Variants in TM9SF4 observed in about 807,000 individuals in gnomAD.
TM9SF4 encodes the protein transmembrane 9 superfamily member 4, also known as dinucleotide oxidase disulfide thiol exchanger 3 superfamily member 4.
In TM9SF4, 26 loss-of-function variants were observed where a neutral mutation model predicts 90.4. That is an observed-to-expected ratio of 0.29 (90% CI 0.21 to 0.40). The LOEUF (loss-of-function observed/expected upper bound fraction) is 0.40. Among genes scored for constraint, TM9SF4 ranks in the 10% least tolerant of loss-of-function variants. TM9SF4 has a pLI of 1.00. For missense variants in TM9SF4, 549 were observed against 834.8 expected (o/e 0.66, Z 4.22); for synonymous variants, 293 against 315.4 (o/e 0.93, Z 0.75).
rs1389693117 is a variant in TM9SF4, at chr20:32,142,299, G to A, written c.528+404G>A. ...AAAATGTATGCAGCAGCAGTGGCGG[G>A]GTAAATTAGCACATTCGTGTGAGCC... On this transcript the variant is annotated intron_variant, in intron 5 of 17. Transcript: ENST00000398022. Among the ~76,000 whole-genome samples the A allele has an allele frequency of 5.3e-5, 8 of 152,098 alleles. No individual in the cohort carries two copies. The East Asian group carries it at 1.5e-3, about 29-fold the overall frequency.
chr20:32,166,199 CAAGG>C lies in TM9SF4; in HGVS notation c.*759_*762del, dbSNP rs57029404. The C allele has an allele frequency of 1.7e-3, 266 of 152,930 alleles. 3 individuals carry two copies. Among genetic ancestry groups the C allele is most frequent in the Non-Finnish European group, 3.2e-3 (221 of 68,148 alleles). The allele number at this position is 152,930 out of a possible 1,614,324, so 9.5% of individuals were successfully genotyped here. On this transcript the variant is annotated 3_prime_UTR_variant, in exon 18 of 18. Coordinates refer to ENST00000398022, the MANE Select transcript of TM9SF4 (RefSeq NM_014742.4). ...AGAGCAGCCGGAGTTTGCTGGACCA[CAAGG>C]AAGAAGAGAAGAGACTTGCAGTGAA...
At chr20:32,116,862 C>CCTTTTTT (rs2046232188) in intron 1 of TM9SF4, among the ~76,000 whole-genome samples, 1 of 95,852 alleles carries the variant, frequency 1.0e-5, no homozygotes, top group Non-Finnish European at 2.0e-5. Flanking sequence ...TTTCCTTTTT[C>CCTTTTTT]TTTTTTTTTT....
intron 1 of TM9SF4, among the ~76,000 whole-genome samples, chr20:32,123,866 A>ATTTTTTTTTTTT (rs1165240152): frequency 4.3e-5 from 4 of 93,972 alleles, no homozygotes; most frequent in African/African-American, 1.4e-4. Context: ...ATATATATAT[A>ATTTTTTTTTTTT]TTTTTTTTTT....
intron 13 of TM9SF4, among the ~76,000 whole-genome samples, chr20:32,157,249 G>T (rs907398304): frequency 6.6e-6 from 1 of 152,008 alleles, no homozygotes; most frequent in African/African-American, 2.4e-5. Context: ...CACTGCTCCC[G>T]GCCTTCCTGA....
At chr20:32,125,836 C>T (rs2046412477) in intron 1 of TM9SF4, among the ~76,000 whole-genome samples, 1 of 151,678 alleles carries the variant, frequency 6.6e-6, no homozygotes, top group Non-Finnish European at 1.5e-5. Context: ...GCCCAGCTAA[C>T]TTTTTGTATT....
intron 13 of TM9SF4, among the ~76,000 whole-genome samples, chr20:32,156,942 C>CTTTTTTTTTTTTTTTTTTTTT (rs71185385): frequency 1.9e-5 from 2 of 103,502 alleles, no homozygotes; most frequent in African/African-American, 9.3e-5. Flanking sequence ...TGGACATTTT[C>CTTTTTTTTTTTTTTTTTTTTT]TTTTTTTTTT....
intron 1 of TM9SF4, among the ~76,000 whole-genome samples, chr20:32,120,675 T>C (rs567584943): frequency 2.6e-4 from 40 of 152,334 alleles, no homozygotes; most frequent in African/African-American, 8.9e-4. Context: ...ACTTATAGTA[T>C]AGTGTTGAAT....
chr20:32,153,759 A>C (rs145545511), intron 12 of TM9SF4, among the ~76,000 whole-genome samples: 26 of 152,242 alleles, frequency 1.7e-4, no homozygotes, highest in Non-Finnish European at 3.4e-4. Context: ...AAAATAGAAG[A>C]AAAAGTCTCA....
At chr20:32,138,354 C>G (rs1283499847) in intron 3 of TM9SF4, among the ~76,000 whole-genome samples, 3 of 152,202 alleles carry the variant, frequency 2.0e-5, no homozygotes, top group African/African-American at 7.2e-5. Context: ...ATAAAATGAG[C>G]CATTTCGCTC....
intron 16 of TM9SF4, 74 bp from the exon 17 acceptor site, chr20:32,161,202 T>C: frequency 7.6e-7 from 1 of 1,322,998 alleles, no homozygotes; most frequent in Non-Finnish European, 1.1e-6. Flanking sequence ...CTTCAGCCCC[T>C]CAAGCAACTG....
At chr20:32,119,659 A>G (rs1310518787) in intron 1 of TM9SF4, among the ~76,000 whole-genome samples, 1 of 152,004 alleles carries the variant, frequency 6.6e-6, no homozygotes, top group Non-Finnish European at 1.5e-5. Context: ...GGAAGTGTAA[A>G]AGTTTTTAAA....
At chr20:32,133,493 C>T (rs2046550954) in intron 2 of TM9SF4, among the ~76,000 whole-genome samples, 1 of 152,206 alleles carries the variant, frequency 6.6e-6, no homozygotes, top group African/African-American at 2.4e-5. Flanking sequence ...GCTCCATCTT[C>T]TCTGTTACCA....
At chr20:32,150,761 T>C in intron 11 of TM9SF4, 39 bp from the exon 12 acceptor site, 2 of 1,614,214 alleles carry the variant, frequency 1.2e-6, no homozygotes, top group African/African-American at 1.3e-5. Context: ...CACCAGCTAA[T>C]GGGTCCCCTT....
At position 32,150,674 on chromosome 20, in the gene TM9SF4, C is replaced by G; in HGVS notation, c.1140C>G (p.Thr380=). ...LSPSSRGALM[T]TACFLFMFMG... The stretch of plus-strand genomic sequence containing the variant: ...CCTCCAGCCGGGGAGCTCTCATGAC[C>G]ACAGCCTGCTTCCTCTTCATGTTCA... The change falls in exon 11 of 18, where the codon ACC becomes ACG. Residue 380 remains threonine (T), a synonymous_variant. Coordinates refer to ENST00000398022, the MANE Select transcript of TM9SF4 (RefSeq NM_014742.4). The G allele has an allele frequency of 1.2e-6, 2 of 1,614,248 alleles. No homozygotes were observed. Among genetic ancestry groups the G allele is most frequent in the Non-Finnish European group, 1.7e-6 (2 of 1,180,048 alleles).
chr20:32,150,191 A>C (rs2046821373), intron 10 of TM9SF4, among the ~76,000 whole-genome samples: 1 of 152,306 alleles, frequency 6.6e-6, no homozygotes, highest in East Asian at 1.9e-4. Flanking sequence ...TCTCAGCCTC[A>C]TGCCTCCAAG....
chr20:32,149,790 G>T, intron 10 of TM9SF4, 24 bp downstream of exon 10: 1 of 1,611,754 alleles, frequency 6.2e-7, no homozygotes, highest in Non-Finnish European at 8.5e-7. Flanking sequence ...GCGGGGCCGG[G>T]CATGGGGGCA....
intron 17 of TM9SF4, among the ~76,000 whole-genome samples, chr20:32,162,698 GT>G (rs2047034834): frequency 6.6e-6 from 1 of 152,090 alleles, no homozygotes; most frequent in South Asian, 2.1e-4. Context: ...CATTATCAAG[GT>G]CTTGATTCAC....
chr20:32,148,278 G>A (rs1394968138), intron 9 of TM9SF4, among the ~76,000 whole-genome samples: 1 of 152,142 alleles, frequency 6.6e-6, no homozygotes, highest in Non-Finnish European at 1.5e-5. Context: ...AGACCGTTTT[G>A]GACCATCATA....
chr20:32,137,144 T>C, intron 3 of TM9SF4: 3 of 434,088 alleles, frequency 6.9e-6, no homozygotes, highest in South Asian at 4.9e-5. Context: ...TGGGCTGGCC[T>C]CTACCAACTG....
Sources: allele counts gnomAD v4.1 joint callset (sites outside exome capture counted in the v4.1 genomes callset), GRCh38; gene constraint gnomAD v4.1.1; transcripts MANE v1.5; gene names NCBI Gene and HGNC (gene_info 2026-07-23, HGNC 2026-07-21).